SNTG1: variants seen among roughly 807,000 people sequenced by gnomAD.
SNTG1 encodes the protein syntrophin gamma 1.
A neutral mutation model predicts 74.7 loss-of-function variants in SNTG1; 39 were observed. That is an observed-to-expected ratio of 0.52 (90% CI 0.40 to 0.68). The LOEUF is 0.68. Among genes scored for constraint, SNTG1 ranks in the 30% least tolerant of loss-of-function variants. The pLI, the probability that SNTG1 is intolerant of heterozygous loss-of-function variation, is 0.00. For synonymous variants in SNTG1, 254 were observed against 217.1 expected, an observed-to-expected ratio of 1.17 and a Z score of -1.49; for missense variants, 685 against 609.5, an observed-to-expected ratio of 1.12 and a Z score of -1.30.
chr8:50,325,528 T>G (rs2090710672), intron 2 of SNTG1, among the ~76,000 whole-genome samples: 1 of 152,060 alleles, frequency 6.6e-6, no homozygotes, highest in African/African-American at 2.4e-5. Context: ...TCATTCATGG[T>G]ATATAGAAAA....
intron 2 of SNTG1, among the ~76,000 whole-genome samples, chr8:50,237,466 T>C (rs1369756337): frequency 6.6e-6 from 1 of 152,158 alleles, no homozygotes; most frequent in Non-Finnish European, 1.5e-5. Flanking sequence ...CATTTTGAGA[T>C]GACATTCACT....
chr8:50,693,382 G>A (rs890778071), intron 15 of SNTG1, among the ~76,000 whole-genome samples: 3 of 152,056 alleles, frequency 2.0e-5, no homozygotes, highest in Non-Finnish European at 2.9e-5. Context: ...GTTCCTATTC[G>A]GCAATCTTGG....
chr8:49,983,182 T>C (rs1014535455), intron 1 of SNTG1, among the ~76,000 whole-genome samples: 1 of 152,324 alleles, frequency 6.6e-6, no homozygotes. Flanking sequence ...CTTTGTTACA[T>C]AATTATATTA....
At chr8:50,063,046 T>A (rs1373063602) in intron 1 of SNTG1, among the ~76,000 whole-genome samples, 1 of 152,256 alleles carries the variant, frequency 6.6e-6, no homozygotes, top group Non-Finnish European at 1.5e-5. Context: ...AGACCCATAA[T>A]GACACAAGTG....
intron 12 of SNTG1, among the ~76,000 whole-genome samples, chr8:50,584,847 A>G (rs1386875780): frequency 6.6e-6 from 1 of 152,094 alleles, no homozygotes; most frequent in Non-Finnish European, 1.5e-5. Context: ...GTCCCCGCAG[A>G]TGGAGCTGCC....
intron 5 of SNTG1, among the ~76,000 whole-genome samples, chr8:50,439,541 A>G (rs1394718517): frequency 6.6e-6 from 1 of 152,048 alleles, no homozygotes; most frequent in Non-Finnish European, 1.5e-5. Flanking sequence ...TAAGAAAAGA[A>G]TATTGCTATA....
At chr8:50,458,750 C>A (rs1563415097) in intron 8 of SNTG1, among the ~76,000 whole-genome samples, 1 of 143,680 alleles carries the variant, frequency 7.0e-6, no homozygotes, top group Non-Finnish European at 1.5e-5. Context: ...GTTATATATG[C>A]CATATCACTT....
chr8:50,771,491 A>T (rs10101945), intron 18 of SNTG1, among the ~76,000 whole-genome samples: 14,255 of 152,158 alleles, frequency 0.094, 1,969 homozygotes, highest in African/African-American at 0.3. Flanking sequence ...CAAAGACATG[A>T]CCTAAAAGCA....
rs186013942 is a variant in SNTG1 at position 50,633,114 on chromosome 8, G to T, written c.850-23795G>T. Among the ~76,000 whole-genome samples the T allele has an allele frequency of 9.2e-5, 14 of 152,206 alleles. No individual in the cohort carries two copies. The East Asian group carries it at 1.7e-3, about 19-fold the overall frequency. ...TAGTAATAAATATATTGATCAAATTGTTCCTTCAACCAGGCTATAAAGCTG... is the reference window on the plus strand; with the variant it reads ...TAGTAATAAATATATTGATCAAATTTTTCCTTCAACCAGGCTATAAAGCTG... On this transcript the variant is annotated intron_variant, in intron 13 of 18. Transcript: ENST00000642720.
chr8:50,483,063 A>G (rs752453079), intron 8 of SNTG1, among the ~76,000 whole-genome samples: 18 of 152,206 alleles, frequency 1.2e-4, no homozygotes, highest in Non-Finnish European at 2.5e-4. Context: ...AGGTGACAAT[A>G]TTATAATTTT....
chr8:50,190,638 T>C (rs547344569), intron 2 of SNTG1, among the ~76,000 whole-genome samples: 14 of 152,308 alleles, frequency 9.2e-5, no homozygotes, highest in African/African-American at 3.4e-4. Context: ...TCTTTCTCTT[T>C]TTTTAAGTGT....
chr8:50,655,289 T>C (rs964089273), intron 13 of SNTG1, among the ~76,000 whole-genome samples: 1 of 152,202 alleles, frequency 6.6e-6, no homozygotes, highest in Non-Finnish European at 1.5e-5. Flanking sequence ...CATAGTTTTC[T>C]TTATGGGATG....
chr8:50,102,062 G>C (rs908216129), intron 1 of SNTG1, among the ~76,000 whole-genome samples: 2 of 151,994 alleles, frequency 1.3e-5, no homozygotes, highest in Admixed American at 1.3e-4. Flanking sequence ...ATAATCCTTT[G>C]GGTATATAAC....
intron 2 of SNTG1, among the ~76,000 whole-genome samples, chr8:50,272,264 T>C (rs2087823314): frequency 6.6e-6 from 1 of 152,238 alleles, no homozygotes; most frequent in Non-Finnish European, 1.5e-5. Flanking sequence ...AGAATTACCC[T>C]TTCTGTGTGT....
At chr8:50,133,311 T>C (rs1034794740) in intron 1 of SNTG1, among the ~76,000 whole-genome samples, 1 of 152,300 alleles carries the variant, frequency 6.6e-6, no homozygotes, top group South Asian at 2.1e-4. Context: ...ACAGGAGCAC[T>C]GTTAATGTCC....
chr8:50,115,810 T>C (rs1028753930), intron 1 of SNTG1, among the ~76,000 whole-genome samples: 1 of 152,088 alleles, frequency 6.6e-6, no homozygotes, highest in Non-Finnish European at 1.5e-5. Flanking sequence ...GCTTAAGACT[T>C]ATTTTATTTT....
intron 2 of SNTG1, among the ~76,000 whole-genome samples, chr8:50,381,462 G>A (rs866070536): frequency 2.7e-5 from 4 of 149,828 alleles, no homozygotes; most frequent in Non-Finnish European, 5.9e-5. Flanking sequence ...AAGTTTTGTT[G>A]TTGGAAAAAA....
intron 18 of SNTG1, among the ~76,000 whole-genome samples, chr8:50,764,810 G>T (rs533118540): frequency 2.6e-5 from 4 of 152,000 alleles, no homozygotes; most frequent in Non-Finnish European, 5.9e-5. Context: ...TAAGTATATT[G>T]AAGAGACATC....
chr8:50,626,740 C>T (rs1048337636), intron 13 of SNTG1, among the ~76,000 whole-genome samples: 2 of 152,084 alleles, frequency 1.3e-5, no homozygotes, highest in Non-Finnish European at 2.9e-5. Context: ...TCCTTGCCCT[C>T]ATTCTGATAA....
Sources: gnomAD v4.1 joint callset for allele counts (sites outside exome capture counted in the v4.1 genomes callset) on GRCh38, gnomAD v4.1.1 for gene constraint, MANE v1.5 for transcripts, NCBI Gene and HGNC (gene_info 2026-07-23, HGNC 2026-07-21) for gene names.